IGSF9: variants seen among roughly 807,000 people sequenced by gnomAD.
IGSF9 encodes immunoglobulin superfamily member 9, also known as protein turtle homolog A.
Under a neutral mutation model 121.7 loss-of-function variants are expected in IGSF9, and 87 were observed. The observed-to-expected ratio is 0.71, with a 90% CI of 0.60 to 0.85. The LOEUF (loss-of-function observed/expected upper bound fraction) is 0.85. IGSF9 is among the 40% of genes least tolerant of loss of function. The pLI is 0.00. For synonymous variants in IGSF9, 640 were observed against 648.4 expected, an observed-to-expected ratio of 0.99 and a Z score of 0.20; for missense variants, 1,462 against 1,565.3, an observed-to-expected ratio of 0.93 and a Z score of 1.11.
rs1651472770 is a variant in IGSF9 at position 159,943,415 on chromosome 1, T to C, written c.40A>G (p.Ile14Val). 4 of 1,589,196 alleles carry C rather than the reference T, an allele frequency of 2.5e-6. No individual in the cohort carries two copies. The highest frequency in any genetic ancestry group is 3.4e-6 in the Non-Finnish European group (4 of 1,167,360). Residue 14 changes from isoleucine to valine, a missense_variant, in exon 2 of 21, where the codon ATC (isoleucine) becomes GTC (valine). Physicochemically the swap from Ile to Val is conservative, Grantham distance 29 (BLOSUM62 3). This residue lies in a region of IGSF9 where 558 missense variants were observed against 599.4 expected (regional missense o/e 0.93). Transcript: ENST00000368094. The part of the protein sequence containing the change: ...CLGLAVLSLV[I>V]SQGADGRGKP... The stretch of plus-strand genomic sequence containing the variant: ...AGCTTACCGTCAGCCCCCTGGCTGA[T>C]GACCAGGCTGAGGACGGCCAGGCCG...
Position 159,928,341 on chromosome 1 carries a change from G to A in IGSF9, c.3047C>T (p.Ala1016Val). 1 of 1,609,636 alleles carries A rather than the reference G, an allele frequency of 6.2e-7. No individual in the cohort carries two copies. The highest frequency in any genetic ancestry group is 8.5e-7 in the Non-Finnish European group (1 of 1,178,152). ...CTGGCTGGTGAGGCTGCCTCGAGGG[G>A]CAGCAGGGAGAAGGCCTGGCAGCAG... ...ERLLPGLLPA[A>V]PRGSLTSQSS... Residue 1016 changes from alanine to valine, a missense_variant, in exon 19 of 21, where the codon GCC (alanine) becomes GTC (valine). Ala to Val is a moderately conservative substitution (Grantham distance 64, BLOSUM62 0). Transcript: ENST00000368094.
intron 2 of IGSF9, 111 bp from the exon 3 acceptor site, chr1:159,943,262 C>A (rs1651464622): frequency 2.8e-5 from 37 of 1,304,404 alleles, no homozygotes; most frequent in Non-Finnish European, 3.7e-5. Flanking sequence ...ACTGGAGAAA[C>A]CCCCAGTTCA....
At chr1:159,934,948 G>A in intron 6 of IGSF9, 126 bp from the exon 7 acceptor site, 2 of 1,110,552 alleles carry the variant, frequency 1.8e-6, no homozygotes, top group South Asian at 1.5e-5. Context: ...ACAGGGCTTT[G>A]GGGAGTGGAA....
At chr1:159,930,502 C>T in intron 14 of IGSF9, 63 bp from the exon 15 acceptor site, 1 of 1,518,506 alleles carries the variant, frequency 6.6e-7, no homozygotes, top group Non-Finnish European at 8.8e-7. Context: ...TGGCCTTCCA[C>T]AACTCCCAGT....
At chr1:159,937,515 G>T (rs1056443863) in intron 4 of IGSF9, among the ~76,000 whole-genome samples, 171 bp downstream of exon 4, 4 of 151,954 alleles carry the variant, frequency 2.6e-5, no homozygotes, top group African/African-American at 9.7e-5. Flanking sequence ...TGTGGGGGAG[G>T]GGTGAGATGC....
At position 159,943,078 on chromosome 1, in the gene IGSF9, C is replaced by T; in HGVS notation, c.132G>A (p.Leu44=). The change falls in exon 3 of 21, where the codon CTG becomes CTA. Residue 44 remains leucine, a synonymous_variant. Coordinates refer to ENST00000368094, the MANE Select transcript of IGSF9 (RefSeq NM_001135050.2). ...GCAGGGGGGGCCGGCCGGCCGGGGGCAGCAGGTCACAGCCCAGCACCACAC... is the reference window on the plus strand; with the variant it reads ...GCAGGGGGGGCCGGCCGGCCGGGGGTAGCAGGTCACAGCCCAGCACCACAC... ...GESVVLGCDL[L]PPAGRPPLHV... 6.2e-7 allele frequency: 1 copy of T among 1,612,726 alleles called. No homozygotes were observed. Among genetic ancestry groups the T allele is most frequent in the East Asian group, 2.2e-5 (1 of 44,774 alleles).
Position 159,931,587 on chromosome 1 carries a change from TG to T in IGSF9, c.1378del (p.Gln460LysfsTer17). 12 of 1,613,946 alleles carry T rather than the reference TG, an allele frequency of 7.4e-6. No homozygotes were observed. The highest frequency in any genetic ancestry group is 9.3e-6 in the Non-Finnish European group (11 of 1,179,960). On this transcript the variant is annotated frameshift_variant, in exon 12 of 21. Coordinates refer to ENST00000368094, the MANE Select transcript of IGSF9 (RefSeq NM_001135050.2). LOFTEE classifies it high-confidence loss of function. The surrounding 1 kb of genome is among the most constrained non-coding windows in gnomAD (Gnocchi z 4.8). ...VSWTKVGRGL[Q>X]GQAQVDSNSS... is the part of the protein sequence containing the mutation. ...GTTGCTGTCCACCTGGGCCTGGCCT[TG>T]CAGCCCCCGGCCCACCTACAGAACC...
Position 159,930,370 on chromosome 1 carries a change from C to A in IGSF9, c.1883G>T (p.Arg628Leu), listed in dbSNP as rs928432972. 4.6e-5 allele frequency: 74 copies of A among 1,597,832 alleles called. No homozygotes were observed. The highest frequency in any genetic ancestry group is 6.1e-5 in the Non-Finnish European group (71 of 1,170,604). ...GGGTGTCCTCACTGCCACCAGACCC[C>A]GCGGAGGGGACAGGGGAGGCGGTAT... ...TEIPPPLSPP[R>L]GLVAVRTPRG... Residue 628 changes from arginine (R) to leucine (L), a missense_variant, in exon 15 of 21, where the codon CGG becomes CTG. By Grantham distance (102) the Arg-to-Leu change is moderately radical. Transcript: ENST00000368094.
chr1:159,936,614 C>T (rs1651195029), intron 5 of IGSF9, 98 bp from the exon 6 acceptor site: 7 of 1,522,260 alleles, frequency 4.6e-6, no homozygotes, highest in Non-Finnish European at 3.6e-6. Flanking sequence ...ACCCCAGGCT[C>T]GGGGCAAACA....
chr1:159,943,863 G>A (rs1651496073), intron 1 of IGSF9, among the ~76,000 whole-genome samples: 1 of 152,130 alleles, frequency 6.6e-6, no homozygotes, highest in South Asian at 2.1e-4. Flanking sequence ...GGGGGAGGCT[G>A]GGAGAGTTGG....
Position 159,936,826 on chromosome 1 carries a change from A to C in IGSF9, c.483T>G (p.Arg161=), listed in dbSNP as rs148377680. 131 of 1,614,158 alleles carry C rather than the reference A, an allele frequency of 8.1e-5. No individual in the cohort carries two copies. The Middle Eastern group carries it at 3.0e-3, about 37-fold the overall frequency. The part of the protein sequence containing the change: ...LEPVTLRCVA[R]GSPLPHVTWK... ...ACGTCACATGAGGCAGGGGGCTGCC[A>C]CGGGCCACACAACGCAGGGTCACAG... The change falls in exon 5 of 21, where the codon CGT becomes CGG. Residue 161 remains arginine, a synonymous_variant. Transcript: ENST00000368094.
chr1:159,942,639 G>GA (rs1651424411), intron 3 of IGSF9, among the ~76,000 whole-genome samples: 1 of 152,158 alleles, frequency 6.6e-6, no homozygotes, highest in African/African-American at 2.4e-5. Context: ...ATGAGATGTA[G>GA]AAAAAGCAGT....
intron 19 of IGSF9, 127 bp downstream of exon 19, chr1:159,928,031 A>T: frequency 6.7e-7 from 1 of 1,485,142 alleles, no homozygotes; most frequent in African/African-American, 1.4e-5. Flanking sequence ...AAAAGCTTCT[A>T]AAAGGGACAA....
chr1:159,927,295 G>C lies in IGSF9; in HGVS notation c.*50C>G. 1 of 1,603,776 alleles carries C rather than the reference G, an allele frequency of 6.2e-7. No homozygotes were observed. The highest frequency in any genetic ancestry group is 2.2e-5 in the East Asian group (1 of 44,844). On this transcript the variant is annotated 3_prime_UTR_variant, in exon 21 of 21. Transcript: ENST00000368094. ...TGAAACTAGGTCTGTCTGGTTGGGG[G>C]CCTCCTTTGCAGGTCCATATGCCTT...
chr1:159,939,375 G>GT (rs1457190512), intron 3 of IGSF9, among the ~76,000 whole-genome samples: 8 of 152,092 alleles, frequency 5.3e-5, no homozygotes, highest in African/African-American at 1.9e-4. Context: ...GTACAAGCAC[G>GT]TGTCACCATG....
intron 5 of IGSF9, 100 bp from the exon 6 acceptor site, chr1:159,936,616 G>A (rs914244018): frequency 5.8e-5 from 89 of 1,524,856 alleles, no homozygotes; most frequent in Admixed American, 1.4e-4. Context: ...CCCAGGCTCG[G>A]GGCAAACAAT....
Position 159,927,907 on chromosome 1 carries a change from GAC to G in IGSF9, c.3231-22_3231-21del. 2 of 1,439,568 alleles carry G rather than the reference GAC, an allele frequency of 1.4e-6. No individual in the cohort carries two copies. Among genetic ancestry groups the G allele is most frequent in the Non-Finnish European group, 1.9e-6 (2 of 1,052,952 alleles). The allele number at this position is 1,439,568 out of a possible 1,614,324, so 89.2% of individuals were successfully genotyped here. A position where few individuals can be genotyped will look rare whatever the true frequency, so the allele number is the denominator to read the frequency against. Reference sequence around the variant, plus strand: ...TTCCTCCTGTAAAAAAAAAAAAAAAGACAAACATATGGTGTGGGTGGAGGAAT... The same window carrying G: ...TTCCTCCTGTAAAAAAAAAAAAAAAGAAACATATGGTGTGGGTGGAGGAAT... On this transcript the variant is annotated intron_variant, in intron 19 of 20. Coordinates refer to ENST00000368094, the MANE Select transcript of IGSF9 (RefSeq NM_001135050.2).
At chr1:159,933,610 A>G (rs1651079443) in intron 9 of IGSF9, 1 of 156,124 alleles carries the variant, frequency 6.4e-6, no homozygotes, top group Non-Finnish European at 1.4e-5. Context: ...CCATAAACGT[A>G]CTATACTACT....
chr1:159,938,463 C>T (rs1325713351), intron 3 of IGSF9, among the ~76,000 whole-genome samples: 1 of 152,216 alleles, frequency 6.6e-6, no homozygotes, highest in Non-Finnish European at 1.5e-5. Context: ...GCTGGCTGAT[C>T]ACATACACTT....
Sources: gnomAD v4.1 joint callset for allele counts (sites outside exome capture counted in the v4.1 genomes callset) on GRCh38, gnomAD v4.1.1 for gene constraint, gnomAD v4.1.1 regional missense constraint, Gnocchi (gnomAD v3.1) non-coding constraint, MANE v1.5 for transcripts, NCBI Gene and HGNC (gene_info 2026-07-23, HGNC 2026-07-21) for gene names.